The following PDCD1LG2 variants were observed in gnomAD, a reference collection of about 807,000 sequenced individuals.
PDCD1LG2 encodes the protein programmed cell death 1 ligand 2.
PDCD1LG2 carries 32 observed loss-of-function variants against 28.2 expected under a neutral mutation model. The ratio of observed to expected loss-of-function variants is 1.13; its 90% CI spans 0.86 to 1.52. The LOEUF (loss-of-function observed/expected upper bound fraction) is 1.52, where lower values mean the gene tolerates loss of function less well. Ranked by LOEUF, PDCD1LG2 falls within the 40% of genes most tolerant of loss-of-function variation. The probability of loss-of-function intolerance (pLI) is 0.00; values close to 1 mark genes in which losing one functional copy is unlikely to be tolerated. For synonymous variants in PDCD1LG2, 116 were observed against 120.2 expected (o/e 0.97, Z 0.23); for missense variants, 385 against 323.8 (o/e 1.19, Z -1.45).
intron 3 of PDCD1LG2, among the ~76,000 whole-genome samples, chr9:5,541,045 AG>A: frequency 6.6e-6 from 1 of 152,364 alleles, no homozygotes; most frequent in South Asian, 2.1e-4. Flanking sequence ...CCAGGGATGC[AG>A]GGATGGTTTA....
At chr9:5,534,357 A>C (rs1586802591) in intron 2 of PDCD1LG2, among the ~76,000 whole-genome samples, 1 of 152,332 alleles carries the variant, frequency 6.6e-6, no homozygotes, top group East Asian at 1.9e-4. Flanking sequence ...GGGAAGTCGA[A>C]AGGAAGCATT....
At chr9:5,524,190 C>T (rs1420898420) in intron 2 of PDCD1LG2, among the ~76,000 whole-genome samples, 1 of 152,156 alleles carries the variant, frequency 6.6e-6, no homozygotes, top group Non-Finnish European at 1.5e-5. Context: ...CTTAATTTCC[C>T]CAAGATTACA....
chr9:5,517,296 A>G (rs754079628), intron 1 of PDCD1LG2, among the ~76,000 whole-genome samples: 40 of 152,244 alleles, frequency 2.6e-4, no homozygotes, highest in Non-Finnish European at 4.4e-4. Flanking sequence ...GTCTTCCCTT[A>G]GGGATTGGAT....
chr9:5,566,345 G>A (rs899241819), intron 6 of PDCD1LG2, among the ~76,000 whole-genome samples: 1 of 152,218 alleles, frequency 6.6e-6, no homozygotes. Flanking sequence ...TATTAGCGCT[G>A]TTTCACCATT....
chr9:5,521,669 C>G (rs1211001193), intron 1 of PDCD1LG2, among the ~76,000 whole-genome samples: 4 of 152,184 alleles, frequency 2.6e-5, no homozygotes, highest in Non-Finnish European at 4.4e-5. Flanking sequence ...TTCTATCATT[C>G]TCCTGACCCA....
chr9:5,535,666 G>T (rs1820566758), intron 3 of PDCD1LG2, among the ~76,000 whole-genome samples: 1 of 151,788 alleles, frequency 6.6e-6, no homozygotes, highest in South Asian at 2.1e-4. Flanking sequence ...ATCATAAAAA[G>T]TTACAAGTTT....
chr9:5,561,935 C>A (rs2129941111), intron 5 of PDCD1LG2, among the ~76,000 whole-genome samples: 2 of 152,322 alleles, frequency 1.3e-5, no homozygotes, highest in South Asian at 4.1e-4. Flanking sequence ...CATTCAAGAG[C>A]AATTCCTATG....
Position 5,570,073 on chromosome 9 carries a change from T to C in PDCD1LG2, c.*114T>C. 7.6e-7 allele frequency: 1 copy of C among 1,321,216 alleles called. No homozygotes were observed. Among genetic ancestry groups the C allele is most frequent in the Non-Finnish European group, 1.1e-6 (1 of 919,900 alleles). The allele number at this position is 1,321,216 out of a possible 1,614,324, so 81.8% of individuals were successfully genotyped here. On this transcript the variant is annotated 3_prime_UTR_variant, in exon 7 of 7. Transcript: ENST00000397747. ...TGCCATTTGCACTTTTCAAATGCCT[T>C]TGGATGACCCAGCACTTTAATCTGA...
At chr9:5,558,272 T>C (rs928811001) in intron 5 of PDCD1LG2, among the ~76,000 whole-genome samples, 1 of 152,226 alleles carries the variant, frequency 6.6e-6, no homozygotes, top group Non-Finnish European at 1.5e-5. Context: ...TGGTGGTGCA[T>C]TAACGTCTTT....
intron 1 of PDCD1LG2, among the ~76,000 whole-genome samples, chr9:5,515,299 G>C (rs1392086063): frequency 6.6e-6 from 1 of 152,204 alleles, no homozygotes; most frequent in Non-Finnish European, 1.5e-5. Flanking sequence ...AGACTTAAGA[G>C]GTGGCATGGT....
chr9:5,568,252 C>T (rs191007945), intron 6 of PDCD1LG2, among the ~76,000 whole-genome samples: 22 of 152,278 alleles, frequency 1.4e-4, no homozygotes, highest in Middle Eastern at 3.4e-3. Flanking sequence ...ACCTCTGGGC[C>T]GCAGACCGGT....
At chr9:5,547,913 G>A (rs1354401999) in intron 3 of PDCD1LG2, among the ~76,000 whole-genome samples, 3 of 148,882 alleles carry the variant, frequency 2.0e-5, no homozygotes, top group Non-Finnish European at 4.4e-5. Context: ...ACTCCAGCCT[G>A]GGTGACGAGC....
At chr9:5,531,223 G>GA (rs1336912643) in intron 2 of PDCD1LG2, among the ~76,000 whole-genome samples, 3 of 152,168 alleles carry the variant, frequency 2.0e-5, no homozygotes, top group South Asian at 2.1e-4. Flanking sequence ...CTGGGCTTGA[G>GA]AAAAAACCTC....
intron 4 of PDCD1LG2, 32 bp downstream of exon 4, chr9:5,549,636 A>C: frequency 6.2e-7 from 1 of 1,611,580 alleles, no homozygotes; most frequent in Non-Finnish European, 8.5e-7. Context: ...TAGGTCTATC[A>C]GTTAGGGTTC....
intron 5 of PDCD1LG2, among the ~76,000 whole-genome samples, chr9:5,558,691 G>A (rs1816495286): frequency 6.6e-6 from 1 of 152,198 alleles, no homozygotes; most frequent in African/African-American, 2.4e-5. Flanking sequence ...ATATTGTCAT[G>A]TTCTATTTGT....
intron 3 of PDCD1LG2, among the ~76,000 whole-genome samples, chr9:5,543,620 G>A (rs1820733638): frequency 6.6e-6 from 1 of 150,920 alleles, no homozygotes; most frequent in African/African-American, 2.4e-5. Flanking sequence ...TCAAAGAGAA[G>A]CAAGGCAGCA....
rs560087652 is a variant in PDCD1LG2, at chr9:5,537,996, T to C, written c.361+2946T>C. Among the ~76,000 whole-genome samples, 43 of 152,310 alleles carry C rather than the reference T, an allele frequency of 2.8e-4. No individual in the cohort carries two copies. The South Asian group carries it at 5.8e-3, about 21-fold the overall frequency. ...TTGTTGTTGTAAAGACATATAACGA[T>C]AATCAATACAAAATCTGTCAAACAA... On this transcript the variant is annotated intron_variant, in intron 3 of 6. Coordinates refer to ENST00000397747, the MANE Select transcript of PDCD1LG2 (RefSeq NM_025239.4).
chr9:5,548,354 G>A lies in PDCD1LG2; in HGVS notation c.362-981G>A, dbSNP rs201426633. 1.6e-4 allele frequency among the ~76,000 whole-genome samples: 25 copies of A among 152,290 alleles called. No homozygotes were observed. In the East Asian group the frequency reaches 3.3e-3, roughly 20 times the overall value. ...TTTTACTTCTTTCTAAGGGCTGTAA[G>A]TATTCCATTGTGTATATATACCACA... On this transcript the variant is annotated intron_variant, in intron 3 of 6. Transcript: ENST00000397747.
intron 1 of PDCD1LG2, among the ~76,000 whole-genome samples, chr9:5,519,500 T>C (rs992134901): frequency 6.6e-6 from 1 of 152,200 alleles, no homozygotes; most frequent in African/African-American, 2.4e-5. Context: ...CTTTGTACCC[T>C]TCCTTTCAAT....
Sources: gnomAD v4.1 joint callset for allele counts (sites outside exome capture counted in the v4.1 genomes callset) on GRCh38, gnomAD v4.1.1 for gene constraint, MANE v1.5 for transcripts, NCBI Gene and HGNC (gene_info 2026-07-23, HGNC 2026-07-21) for gene names.